Variants in DGKI observed in about 807,000 individuals in gnomAD.
DGKI encodes the protein diacylglycerol kinase iota.
Under a neutral mutation model 147.5 loss-of-function variants are expected in DGKI, and 55 were observed. The ratio of observed to expected loss-of-function variants is 0.37; its 90% CI spans 0.30 to 0.47. DGKI has a LOEUF of 0.47. Ranked by LOEUF, DGKI falls within the 20% of genes least tolerant of loss-of-function variation. The pLI is 1.00. For missense variants in DGKI, 1,007 were observed against 1,323.8 expected, an observed-to-expected ratio of 0.76 and a Z score of 3.71; for synonymous variants, 469 against 477.1, an observed-to-expected ratio of 0.98 and a Z score of 0.22.
intron 4 of DGKI, 133 bp downstream of exon 4, chr7:137,656,333 G>C: frequency 4.7e-6 from 4 of 859,394 alleles, no homozygotes; most frequent in Admixed American, 2.0e-5. Flanking sequence ...TAGTAATCTG[G>C]TAATAATGTT....
chr7:137,519,993 G>A (rs927606333), intron 21 of DGKI, among the ~76,000 whole-genome samples: 3 of 151,974 alleles, frequency 2.0e-5, no homozygotes, highest in African/African-American at 7.2e-5. Flanking sequence ...TTACATTTAT[G>A]CCATATTTGA....
At chr7:137,772,771 A>G (rs1277482948) in intron 1 of DGKI, among the ~76,000 whole-genome samples, 1 of 152,274 alleles carries the variant, frequency 6.6e-6, no homozygotes, top group African/African-American at 2.4e-5. Context: ...TACATTCAAC[A>G]AACATATATT....
intron 1 of DGKI, among the ~76,000 whole-genome samples, chr7:137,762,658 CCTT>C (rs1490433041): frequency 1.3e-5 from 2 of 152,174 alleles, no homozygotes; most frequent in Non-Finnish European, 2.9e-5. Context: ...TCAAGTATCA[CCTT>C]CTCCAGATAT....
At position 137,419,369 on chromosome 7, in the gene DGKI, G is replaced by A. The variant is rs140613015; in HGVS notation, c.2762-7162C>T. ...CTTTATTCAATCCGTTACTTCTTGC[G>A]TGGCTACCAGATAACTTATACCATA... On this transcript the variant is annotated intron_variant, in intron 28 of 32. Coordinates refer to ENST00000614521, the MANE Select transcript of DGKI (RefSeq NM_001321708.2). Among the ~76,000 whole-genome samples, 17 of 152,120 alleles carry A rather than the reference G, an allele frequency of 1.1e-4. No homozygotes were observed. The East Asian group carries it at 1.9e-3, about 17-fold the overall frequency.
intron 28 of DGKI, among the ~76,000 whole-genome samples, chr7:137,440,684 G>A (rs1293835854): frequency 1.3e-5 from 2 of 152,212 alleles, no homozygotes; most frequent in African/African-American, 4.8e-5. Flanking sequence ...ACTACAGAGT[G>A]TTATTTGTGA....
At chr7:137,524,966 A>G (rs1265767789) in intron 20 of DGKI, among the ~76,000 whole-genome samples, 1 of 152,064 alleles carries the variant, frequency 6.6e-6, no homozygotes, top group African/African-American at 2.4e-5. Flanking sequence ...CAAAACCCAT[A>G]AAGTGGCTGC....
intron 5 of DGKI, among the ~76,000 whole-genome samples, chr7:137,653,312 G>A (rs765112147): frequency 2.6e-5 from 4 of 152,168 alleles, no homozygotes; most frequent in Non-Finnish European, 4.4e-5. Context: ...TTACTAGCAT[G>A]GCTTCTGAAA....
intron 17 of DGKI, among the ~76,000 whole-genome samples, chr7:137,575,096 T>C (rs1818925393): frequency 6.6e-6 from 1 of 152,204 alleles, no homozygotes; most frequent in African/African-American, 2.4e-5. Context: ...AAGACATGTC[T>C]TGTTACACCT....
At chr7:137,818,969 A>G (rs1289663660) in intron 1 of DGKI, among the ~76,000 whole-genome samples, 1 of 152,214 alleles carries the variant, frequency 6.6e-6, no homozygotes, top group Non-Finnish European at 1.5e-5. Flanking sequence ...ATCATTGTCA[A>G]ATAAAGCTTC....
chr7:137,745,157 G>T (rs1795286218), intron 1 of DGKI, among the ~76,000 whole-genome samples: 1 of 152,108 alleles, frequency 6.6e-6, no homozygotes, highest in Non-Finnish European at 1.5e-5. Flanking sequence ...TCCGTTTGTG[G>T]GTTTCTGCCT....
At chr7:137,556,472 T>C (rs1449988149) in intron 19 of DGKI, among the ~76,000 whole-genome samples, 1 of 151,974 alleles carries the variant, frequency 6.6e-6, no homozygotes, top group Admixed American at 6.6e-5. Flanking sequence ...TCCAAGAAAA[T>C]TCACAGGCCA....
rs545383988 is a variant in DGKI at position 137,785,547 on chromosome 7, T to C, written c.401+60915A>G. 2.0e-5 allele frequency among the ~76,000 whole-genome samples: 3 copies of C among 151,324 alleles called. No homozygotes were observed. In the South Asian group the frequency reaches 6.2e-4, roughly 31 times the overall value. ...TCACAGCTGAATTCTATCAGACATG[T>C]AAAGAAAATTAGTACCAATCCTATT... On this transcript the variant is annotated intron_variant, in intron 1 of 32. Coordinates refer to ENST00000614521, the MANE Select transcript of DGKI (RefSeq NM_001321708.2).
intron 22 of DGKI, among the ~76,000 whole-genome samples, chr7:137,486,552 CA>C (rs1815567345): frequency 6.6e-6 from 1 of 152,012 alleles, no homozygotes. Context: ...TATCCTCAGT[CA>C]AAATAGCTTA....
intron 21 of DGKI, among the ~76,000 whole-genome samples, chr7:137,521,341 G>C (rs1186370776): frequency 6.6e-6 from 1 of 151,982 alleles, no homozygotes; most frequent in Non-Finnish European, 1.5e-5. Flanking sequence ...CTCAAGTGCA[G>C]GTTTCAAAAA....
At chr7:137,774,155 T>G (rs1796292939) in intron 1 of DGKI, among the ~76,000 whole-genome samples, 1 of 152,156 alleles carries the variant, frequency 6.6e-6, no homozygotes, top group South Asian at 2.1e-4. Context: ...TTTTATAATT[T>G]TATATAATTT....
chr7:137,498,996 C>T (rs984412184), intron 21 of DGKI, among the ~76,000 whole-genome samples: 5 of 152,126 alleles, frequency 3.3e-5, no homozygotes, highest in African/African-American at 1.2e-4. Flanking sequence ...AGTCCGTGTG[C>T]ACTCTCAGAA....
At chr7:137,622,009 G>A (rs1342664807) in intron 7 of DGKI, among the ~76,000 whole-genome samples, 2 of 152,162 alleles carry the variant, frequency 1.3e-5, no homozygotes, top group African/African-American at 4.8e-5. Flanking sequence ...TCAATAACTA[G>A]GATGGCCTTA....
chr7:137,429,448 C>A (rs949689534), intron 28 of DGKI, among the ~76,000 whole-genome samples: 7 of 151,120 alleles, frequency 4.6e-5, no homozygotes, highest in African/African-American at 1.7e-4. Flanking sequence ...ACCATAAAAA[C>A]CCTAGAAGAA....
chr7:137,833,970 C>G (rs1331774741), intron 1 of DGKI, among the ~76,000 whole-genome samples: 3 of 152,214 alleles, frequency 2.0e-5, no homozygotes, highest in African/African-American at 7.2e-5. Context: ...AATTCAAACC[C>G]TGGCTCCACC....
Sources: allele counts gnomAD v4.1 joint callset (sites outside exome capture counted in the v4.1 genomes callset), GRCh38; gene constraint gnomAD v4.1.1; transcripts MANE v1.5; gene names NCBI Gene and HGNC (gene_info 2026-07-23, HGNC 2026-07-21).